The following CD4 variants were observed in gnomAD, a reference collection of about 807,000 sequenced individuals.
The protein encoded by CD4 is CD4 molecule.
In CD4, 25 loss-of-function variants were observed where a neutral mutation model predicts 50.5. The ratio of observed to expected loss-of-function variants is 0.49; its 90% CI spans 0.36 to 0.69. CD4 has a LOEUF of 0.69. Ranked by LOEUF, CD4 falls within the 30% of genes least tolerant of loss-of-function variation. CD4 has a pLI of 0.00. For synonymous variants in CD4, 207 were observed against 221.9 expected (o/e 0.93, Z 0.60); for missense variants, 456 against 548.5 (o/e 0.83, Z 1.68).
chr12:6,795,125 T>TATC (rs908597060), intron 1 of CD4, among the ~76,000 whole-genome samples: 14 of 151,872 alleles, frequency 9.2e-5, no homozygotes, highest in African/African-American at 3.4e-4. Flanking sequence ...TCTATCTATC[T>TATC]ATCTATCTAT....
chr12:6,795,716 G>T (rs1416162672), intron 1 of CD4, among the ~76,000 whole-genome samples: 1 of 152,270 alleles, frequency 6.6e-6, no homozygotes, highest in Non-Finnish European at 1.5e-5. Flanking sequence ...GGGCAGGGCT[G>T]CAGGTGAGGA....
intron 3 of CD4, among the ~76,000 whole-genome samples, chr12:6,804,444 A>C (rs1053592194): frequency 6.6e-6 from 1 of 152,236 alleles, no homozygotes; most frequent in East Asian, 1.9e-4. Context: ...AAGAATCTGT[A>C]AGAAACTTCT....
At chr12:6,815,730 G>A (rs1555117800) in intron 5 of CD4, 1 of 1,352,164 alleles carries the variant, frequency 7.4e-7, no homozygotes, top group South Asian at 1.2e-5. Context: ...ATTTTGTGAA[G>A]GGTGATGAAT....
At chr12:6,798,515 A>T (rs1176921392) in intron 1 of CD4, among the ~76,000 whole-genome samples, 2 of 152,270 alleles carry the variant, frequency 1.3e-5, no homozygotes, top group Non-Finnish European at 2.9e-5. Flanking sequence ...CCTTGATTCA[A>T]TACAGGACAT....
chr12:6,811,801 G>A (rs1271474610), intron 3 of CD4, among the ~76,000 whole-genome samples: 3 of 149,542 alleles, frequency 2.0e-5, no homozygotes, highest in African/African-American at 4.9e-5. Context: ...GTGAGCCACC[G>A]CACCCGGCCA....
At chr12:6,793,380 T>C (rs1043733573) in intron 1 of CD4, among the ~76,000 whole-genome samples, 8 of 152,130 alleles carry the variant, frequency 5.3e-5, no homozygotes, top group African/African-American at 1.9e-4. Context: ...GGATATCGTT[T>C]ATGGAGACTT....
At chr12:6,804,338 TA>T (rs1942661434) in intron 3 of CD4, among the ~76,000 whole-genome samples, 1 of 406 alleles carries the variant, frequency 2.5e-3, no homozygotes, top group African/African-American at 0.01. Context: ...GCCAGTGCAA[TA>T]AGGCAAGAAA....
At chr12:6,795,932 T>C (rs981795508) in intron 1 of CD4, among the ~76,000 whole-genome samples, 2 of 151,706 alleles carry the variant, frequency 1.3e-5, no homozygotes, top group African/African-American at 4.8e-5. Flanking sequence ...GGATGGAGAG[T>C]GGCTGGCAGG....
intron 3 of CD4, among the ~76,000 whole-genome samples, chr12:6,810,005 T>G (rs1482812673): frequency 2.0e-5 from 3 of 150,818 alleles, no homozygotes; most frequent in Non-Finnish European, 4.4e-5. Flanking sequence ...TTCTCCTGCC[T>G]CAGCCTCCCG....
Position 6,798,326 on chromosome 12 carries a change from C to G in CD4, c.-67-1746C>G, listed in dbSNP as rs1237334972. Among the ~76,000 whole-genome samples, 3 of 133,842 alleles carry G rather than the reference C, an allele frequency of 2.2e-5. 1 individual carries two copies. The highest frequency in any genetic ancestry group is 8.3e-5 in the African/African-American group (3 of 36,068). The allele number at this position is 133,842 out of a possible 152,430, so 87.8% of individuals were successfully genotyped here. Reference sequence around the variant, plus strand: ...CTGGGACTACAGGCGCCCGCCACCACGCCCGGCTAATTTTTTTGTATTTTT... The same window carrying G: ...CTGGGACTACAGGCGCCCGCCACCAGGCCCGGCTAATTTTTTTGTATTTTT... On this transcript the variant is annotated intron_variant, in intron 1 of 9. Coordinates refer to ENST00000011653, the MANE Select transcript of CD4 (RefSeq NM_000616.5).
chr12:6,814,869 A>C lies in CD4; in HGVS notation c.484A>C (p.Asn162His), dbSNP rs1555117637. The change falls in exon 5 of 10, where the codon AAC (asparagine) becomes CAC (histidine). Residue 162 changes from asparagine to histidine, a missense_variant. Asn to His is a moderately conservative substitution (Grantham distance 68). Coordinates refer to ENST00000011653, the MANE Select transcript of CD4 (RefSeq NM_000616.5). ...SVQCRSPRGK[N>H]IQGGKTLSVS... is the part of the protein sequence containing the mutation. ...GCAATGTAGGAGTCCAAGGGGTAAA[A>C]ACATACAGGGGGGGAAGACCCTCTC... 2 of 1,613,526 alleles carry C rather than the reference A, an allele frequency of 1.2e-6. No homozygotes were observed. The highest frequency in any genetic ancestry group is 2.2e-5 in the South Asian group (2 of 91,068).
rs782159669 is a variant in CD4 at position 6,819,342 on chromosome 12, G to A, written c.*13G>A. On this transcript the variant is annotated 3_prime_UTR_variant, in exon 10 of 10. Coordinates refer to ENST00000011653, the MANE Select transcript of CD4 (RefSeq NM_000616.5). ...TAGCCCCATTTGAGGCACGAGGCCA[G>A]GCAGATCCCACTTGCAGCCTCCCCA... The A allele has an allele frequency of 1.2e-6, 2 of 1,613,948 alleles. No individual in the cohort carries two copies. The highest frequency in any genetic ancestry group is 8.5e-7 in the Non-Finnish European group (1 of 1,179,826).
rs541293996 is a variant in CD4, at chr12:6,793,644, T to C, written c.-68+3982T>C. On this transcript the variant is annotated intron_variant, in intron 1 of 9. Transcript: ENST00000011653. ...CCCGGTTTAAACAAAATTGTATCTA[T>C]CTATCATCTATCTATCTATCTATCT... Among the ~76,000 whole-genome samples, 74 of 148,888 alleles carry C rather than the reference T, an allele frequency of 5.0e-4. 2 individuals carry two copies. In the East Asian group the frequency reaches 0.011, roughly 23 times the overall value.
intron 3 of CD4, 113 bp downstream of exon 3, chr12:6,800,584 A>G (rs1486228943): frequency 4.6e-6 from 4 of 865,662 alleles, no homozygotes; most frequent in East Asian, 5.4e-5. Context: ...GCTTGGGTTG[A>G]CAGAAACTCA....
intron 3 of CD4, among the ~76,000 whole-genome samples, chr12:6,801,160 C>T (rs1183982514): frequency 6.6e-6 from 1 of 150,768 alleles, no homozygotes; most frequent in Non-Finnish European, 1.5e-5. Flanking sequence ...CTCACCTTGG[C>T]CTCTCAGAGT....
intron 1 of CD4, among the ~76,000 whole-genome samples, chr12:6,793,565 C>T (rs1161836334): frequency 6.6e-6 from 1 of 152,138 alleles, no homozygotes; most frequent in East Asian, 1.9e-4. Flanking sequence ...GGTGGCTAGT[C>T]TCCCTTCCTC....
intron 1 of CD4, among the ~76,000 whole-genome samples, chr12:6,790,623 G>A (rs1203438523): frequency 6.6e-6 from 1 of 152,202 alleles, no homozygotes; most frequent in East Asian, 1.9e-4. Flanking sequence ...GTGAGGGAGA[G>A]TGAGGACTCA....
chr12:6,806,355 G>T (rs923351301), intron 3 of CD4, among the ~76,000 whole-genome samples: 2 of 151,356 alleles, frequency 1.3e-5, no homozygotes, highest in African/African-American at 2.4e-5. Flanking sequence ...CCCAGGCTGG[G>T]TGCACCTGTA....
rs150249943 is a variant in CD4, at chr12:6,795,033, G to A, written c.-67-5039G>A. ...ACTCCTGACCTCAGGTGATCTACCC[G>A]CCTAAGCCTCCCAAAGTGCTGGGAG... On this transcript the variant is annotated intron_variant, in intron 1 of 9. Coordinates refer to ENST00000011653, the MANE Select transcript of CD4 (RefSeq NM_000616.5). Among the ~76,000 whole-genome samples, 25 of 151,542 alleles carry A rather than the reference G, an allele frequency of 1.6e-4. No individual in the cohort carries two copies. The South Asian group carries it at 1.7e-3, about 10-fold the overall frequency.
Sources: gnomAD v4.1 joint callset for allele counts (sites outside exome capture counted in the v4.1 genomes callset) on GRCh38, gnomAD v4.1.1 for gene constraint, MANE v1.5 for transcripts, NCBI Gene and HGNC (gene_info 2026-07-23, HGNC 2026-07-21) for gene names.